The following A4GNT variants were observed in gnomAD, a reference collection of about 807,000 sequenced individuals.
The protein encoded by A4GNT is alpha-1,4-N-acetylglucosaminyltransferase.
A neutral mutation model predicts 8.3 loss-of-function variants in A4GNT; 6 were observed. That is an observed-to-expected ratio of 0.72 (90% CI 0.39 to 1.42). A4GNT has a LOEUF of 1.42. Ranked by LOEUF, A4GNT falls within the 40% of genes most tolerant of loss-of-function variation. A4GNT has a pLI of 0.02. For missense variants in A4GNT, 377 were observed against 417.0 expected (o/e 0.90, Z 0.84); for synonymous variants, 157 against 159.8 (o/e 0.98, Z 0.13).
At chr3:138,131,405 A>G in intron 1 of A4GNT, 123 bp from the exon 2 acceptor site, 1 of 876,988 alleles carries the variant, frequency 1.1e-6, no homozygotes, top group Non-Finnish European at 1.6e-6. Flanking sequence ...ATAAAATATG[A>G]TGAAATCAAG....
At chr3:138,128,517 C>T (rs1054608518) in intron 2 of A4GNT, among the ~76,000 whole-genome samples, 32 of 152,106 alleles carry the variant, frequency 2.1e-4, no homozygotes, top group East Asian at 1.9e-3. Context: ...CCAGATCTCA[C>T]GAGAACCCAC....
In A4GNT at chr3:138,128,150, G is replaced by T. The variant is rs11927404; in HGVS notation, c.408+2699C>A. Among the ~76,000 whole-genome samples, 1,125 of 152,276 alleles carry T rather than the reference G, an allele frequency of 7.4e-3. 9 individuals carry two copies. Among genetic ancestry groups the T allele is most frequent in the African/African-American group, 0.026 (1,078 of 41,544 alleles). On this transcript the variant is annotated intron_variant, in intron 2 of 2. Coordinates refer to ENST00000236709, the MANE Select transcript of A4GNT (RefSeq NM_016161.3). ...GATAAAGAGGCTTTAATATCCTCAT[G>T]TGTGTGATTCATCTGTAAGAAAAGG...
Position 138,130,936 on chromosome 3 carries a change from G to A in A4GNT, c.321C>T (p.Phe107=), listed in dbSNP as rs1225319297. The A allele has an allele frequency of 6.2e-7, 1 of 1,614,010 alleles. No homozygotes were observed. The highest frequency in any genetic ancestry group is 1.3e-5 in the African/African-American group (1 of 74,904). Residue 107 remains phenylalanine, a synonymous_variant, in exon 2 of 3, where the codon TTC becomes TTT. Coordinates refer to ENST00000236709, the MANE Select transcript of A4GNT (RefSeq NM_016161.3). ...GGAAAACGTTGTCTATTGCTGACAG[G>A]AAGGAAAAAGCTGGGTATGTGGAGT... is the stretch of plus-strand genomic sequence containing the variant. The part of the protein sequence containing the change: ...PSNSTYPAFS[F]LSAIDNVFLF...
In A4GNT at chr3:138,124,550, T is replaced by C; in HGVS notation, c.737A>G (p.Asp246Gly). ...GAAGGATATGTTCAGACACCTGAGG[T>C]CGCTCACCTCCTGGAAGTCTTCAAG... The part of the protein sequence containing the change: ...CKLEDFQEVS[D>G]LRCLNISFLH... Residue 246 changes from aspartate (D) to glycine (G), a missense_variant, in exon 3 of 3, where the codon GAC becomes GGC. By Grantham distance (94) the Asp-to-Gly change is moderately conservative. Coordinates refer to ENST00000236709, the MANE Select transcript of A4GNT (RefSeq NM_016161.3). 6.2e-7 allele frequency: 1 copy of C among 1,614,152 alleles called. No individual in the cohort carries two copies. Among genetic ancestry groups the C allele is most frequent in the Non-Finnish European group, 8.5e-7 (1 of 1,180,032 alleles).
chr3:138,125,552 G>T (rs2042740576), intron 2 of A4GNT, among the ~76,000 whole-genome samples: 1 of 152,154 alleles, frequency 6.6e-6, no homozygotes, highest in Non-Finnish European at 1.5e-5. Flanking sequence ...AAAAAAGCTG[G>T]GTGAAGGGAC....
chr3:138,133,030 A>C (rs1168343988), upstream of A4GNT, among the ~76,000 whole-genome samples: 1 of 152,056 alleles, frequency 6.6e-6, no homozygotes, highest in African/African-American at 2.4e-5. Flanking sequence ...CCTATTCTCC[A>C]CCGCCCCTGA....
At chr3:138,126,450 A>T (rs2042744980) in intron 2 of A4GNT, among the ~76,000 whole-genome samples, 1 of 148,956 alleles carries the variant, frequency 6.7e-6, no homozygotes, top group Non-Finnish European at 1.5e-5. Context: ...TTGACAAAAT[A>T]AACAGTCTTT....
intron 2 of A4GNT, among the ~76,000 whole-genome samples, chr3:138,129,738 A>G (rs184990542): frequency 3.9e-5 from 6 of 152,340 alleles, no homozygotes; most frequent in Non-Finnish European, 5.9e-5. Context: ...AATATTTGCT[A>G]CAGCCTATGA....
intron 2 of A4GNT, among the ~76,000 whole-genome samples, chr3:138,129,962 T>C (rs887758145): frequency 7.2e-5 from 11 of 152,188 alleles, no homozygotes; most frequent in Non-Finnish European, 1.0e-4. Flanking sequence ...AATGTTTAGA[T>C]TACTTTTTGT....
chr3:138,131,263 T>G lies in A4GNT; in HGVS notation c.-7A>C. 1 of 1,565,382 alleles carries G rather than the reference T, an allele frequency of 6.4e-7. No homozygotes were observed. Among genetic ancestry groups the G allele is most frequent in the Non-Finnish European group, 8.7e-7 (1 of 1,149,450 alleles). The stretch of plus-strand genomic sequence containing the variant: ...GCTGGAGCTCCTTCCGCATGTCCTC[T>G]TCTCTGTGCCAGCCTGCTCCTTTAA... On this transcript the variant is annotated 5_prime_UTR_variant, in exon 2 of 3. Transcript: ENST00000236709.
At chr3:138,126,193 C>T (rs1448197560) in intron 2 of A4GNT, among the ~76,000 whole-genome samples, 6 of 151,442 alleles carry the variant, frequency 4.0e-5, no homozygotes, top group Admixed American at 3.9e-4. Context: ...GAAGATGAAG[C>T]TGGTCAGGAT....
At chr3:138,127,230 C>T (rs181184772) in intron 2 of A4GNT, among the ~76,000 whole-genome samples, 79 of 151,052 alleles carry the variant, frequency 5.2e-4, no homozygotes, top group African/African-American at 1.4e-3. Flanking sequence ...TTTTAATCTA[C>T]GCGAGTCCTC....
intron 2 of A4GNT, among the ~76,000 whole-genome samples, chr3:138,128,923 T>A (rs542080196): frequency 1.3e-5 from 2 of 152,172 alleles, no homozygotes; most frequent in Non-Finnish European, 2.9e-5. Context: ...GGTCCCAATT[T>A]GAGGACTTCA....
At chr3:138,130,818 G>A (rs769186239) in intron 2 of A4GNT, 31 bp downstream of exon 2, 18 of 1,602,436 alleles carry the variant, frequency 1.1e-5, no homozygotes, top group Non-Finnish European at 1.4e-5. Context: ...TATACAATTC[G>A]TTGACATTTT....
chr3:138,129,680 G>A (rs930416156), intron 2 of A4GNT, among the ~76,000 whole-genome samples: 4 of 152,202 alleles, frequency 2.6e-5, no homozygotes, highest in South Asian at 2.1e-4. Flanking sequence ...TAGCCCACAA[G>A]GCCGAAAATA....
Position 138,130,954 on chromosome 3 carries a change from T to C in A4GNT, c.303A>G (p.Thr101=). ...CTGACAGGAAGGAAAAAGCTGGGTA[T>C]GTGGAGTTTGAGGGCATCGGTGTGG... ...TDSTPMPSNS[T]YPAFSFLSAI... Residue 101 remains threonine (T), a synonymous_variant, in exon 2 of 3, where the codon ACA becomes ACG. Coordinates refer to ENST00000236709, the MANE Select transcript of A4GNT (RefSeq NM_016161.3). 1 of 1,614,160 alleles carries C rather than the reference T, an allele frequency of 6.2e-7. No homozygotes were observed. Among genetic ancestry groups the C allele is most frequent in the Non-Finnish European group, 8.5e-7 (1 of 1,180,020 alleles).
chr3:138,124,661 T>C lies in A4GNT; in HGVS notation c.626A>G (p.Glu209Gly). ...PHHPFLWECM[E>G]NFVEHYNSAI... ...TGAATTATAGTGTTCAACAAAGTTT[T>C]CCATGCATTCCCACAAAAAGGGGTG... Residue 209 changes from glutamate (E) to glycine (G), a missense_variant, in exon 3 of 3, where the codon GAA (glutamate) becomes GGA (glycine). By Grantham distance (98) the Glu-to-Gly change is moderately conservative (BLOSUM62 -2). Transcript: ENST00000236709. 6.2e-7 allele frequency: 1 copy of C among 1,614,208 alleles called. No individual in the cohort carries two copies. Among genetic ancestry groups the C allele is most frequent in the Non-Finnish European group, 8.5e-7 (1 of 1,180,026 alleles).
Position 138,124,523 on chromosome 3 carries a change from A to G in A4GNT, c.764T>C (p.Leu255Ser). 3 of 1,614,240 alleles carry G rather than the reference A, an allele frequency of 1.9e-6. No individual in the cohort carries two copies. The highest frequency in any genetic ancestry group is 2.5e-6 in the Non-Finnish European group (3 of 1,180,034). ...SDLRCLNISFLHPQRFYPISY... is the reference protein window; with the variant it reads ...SDLRCLNISFSHPQRFYPISY... ...GATGGGGTAAAATCTTTGGGGGTGT[A>G]AGAAGGATATGTTCAGACACCTGAG... is the stretch of plus-strand genomic sequence containing the variant. Residue 255 changes from leucine (L) to serine (S), a missense_variant, in exon 3 of 3, where the codon TTA becomes TCA. Transcript: ENST00000236709.
At chr3:138,125,643 A>C (rs1319897611) in intron 2 of A4GNT, among the ~76,000 whole-genome samples, 1 of 152,242 alleles carries the variant, frequency 6.6e-6, no homozygotes, top group East Asian at 1.9e-4. Context: ...AACCATGCCC[A>C]TAGCTGAGAA....
Sources: allele counts gnomAD v4.1 joint callset (sites outside exome capture counted in the v4.1 genomes callset), GRCh38; gene constraint gnomAD v4.1.1; transcripts MANE v1.5; gene names NCBI Gene and HGNC (gene_info 2026-07-23, HGNC 2026-07-21).